TMEM71: variants seen among roughly 807,000 people sequenced by gnomAD.
TMEM71 encodes the protein transmembrane protein 71.
A neutral mutation model predicts 38.0 loss-of-function variants in TMEM71; 44 were observed. The ratio of observed to expected loss-of-function variants is 1.16; its 90% CI spans 0.91 to 1.49. The LOEUF is 1.49. Among genes scored for constraint, TMEM71 ranks in the 40% most tolerant of loss-of-function variants. The pLI is 0.00. For synonymous variants in TMEM71, 133 were observed against 122.5 expected, an observed-to-expected ratio of 1.09 and a Z score of -0.56; for missense variants, 367 against 348.6, an observed-to-expected ratio of 1.05 and a Z score of -0.42.
chr8:132,731,214 A>G (rs1827436112), intron 5 of TMEM71, among the ~76,000 whole-genome samples: 1 of 152,222 alleles, frequency 6.6e-6, no homozygotes. Flanking sequence ...GATGGAGAGA[A>G]TTGAAACTTC....
chr8:132,758,592 T>C, intron 2 of TMEM71: 1 of 489,688 alleles, frequency 2.0e-6, no homozygotes, highest in Non-Finnish European at 3.6e-6. Flanking sequence ...TCCTTTCACA[T>C]TTATGCACAG....
intron 7 of TMEM71, among the ~76,000 whole-genome samples, chr8:132,719,653 G>T (rs1461592268): frequency 1.3e-5 from 2 of 152,080 alleles, no homozygotes; most frequent in Admixed American, 6.5e-5. Flanking sequence ...TCTTGCCCAC[G>T]TCTATACAGT....
chr8:132,747,510 G>A (rs765507269), intron 4 of TMEM71, among the ~76,000 whole-genome samples: 16 of 152,202 alleles, frequency 1.1e-4, no homozygotes, highest in Non-Finnish European at 1.9e-4. Flanking sequence ...CTTAGGCACA[G>A]ATAGGTTAAG....
At chr8:132,762,295 A>G (rs1357627284), upstream of TMEM71, among the ~76,000 whole-genome samples, 1 of 152,088 alleles carries the variant, frequency 6.6e-6, no homozygotes, top group Non-Finnish European at 1.5e-5. Context: ...TCTTTACTGG[A>G]ATTCACAGTT....
Position 132,751,917 on chromosome 8 carries a change from C to T in TMEM71, c.182G>A (p.Cys61Tyr), listed in dbSNP as rs761543886. Residue 61 changes from cysteine (C) to tyrosine (Y), a missense_variant, in exon 4 of 10, where the codon TGT (cysteine) becomes TAT (tyrosine). Physicochemically the swap from Cys to Tyr is radical, Grantham distance 194. Coordinates refer to ENST00000677595, the MANE Select transcript of TMEM71 (RefSeq NM_001382403.1). ...GGTGAGGAGTCTGGGACTTCGGCGA[C>T]AGGTATAGTGGGAGCCTGTCAGGGG... ...IDPLTGSHYT[C>Y]RRSPRLLTNG... 1 of 1,614,054 alleles carries T rather than the reference C, an allele frequency of 6.2e-7. No individual in the cohort carries two copies. Among genetic ancestry groups the T allele is most frequent in the South Asian group, 1.1e-5 (1 of 91,080 alleles).
At chr8:132,769,995 T>A in the TMEM71 span, among the ~76,000 whole-genome samples, 1 of 152,246 alleles carries the variant, frequency 6.6e-6, no homozygotes, top group East Asian at 1.9e-4. Flanking sequence ...AGAGTAAAAG[T>A]ATTCACCATT....
rs372638954 is a variant in TMEM71, at chr8:132,727,787, C to A, written c.676+11G>T. The A allele has an allele frequency of 4.4e-6, 7 of 1,586,204 alleles. No homozygotes were observed. The highest frequency in any genetic ancestry group is 1.2e-5 in the South Asian group (1 of 86,386). On this transcript the variant is annotated intron_variant, in intron 6 of 9. Transcript: ENST00000677595. Reference sequence around the variant, plus strand: ...TTGGGTGTGGCAAATATTTAAAACACCTGAACTCACCTGAATGATCCGAAC... The same window carrying A: ...TTGGGTGTGGCAAATATTTAAAACAACTGAACTCACCTGAATGATCCGAAC...
At chr8:132,763,582 T>C (rs528252929), upstream of TMEM71, among the ~76,000 whole-genome samples, 17 of 152,334 alleles carry the variant, frequency 1.1e-4, no homozygotes, top group South Asian at 3.5e-3. Flanking sequence ...AGGTCTCTAA[T>C]AGAGGTCACT....
intron 1 of TMEM71, chr8:132,759,416 G>GTT (rs11449266): frequency 6.6e-6 from 1 of 152,216 alleles, no homozygotes; most frequent in Non-Finnish European, 1.5e-5. Flanking sequence ...CACAGAGAGT[G>GTT]ATTTTAATAG....
intron 3 of TMEM71, among the ~76,000 whole-genome samples, chr8:132,753,680 A>G (rs1219315843): frequency 6.6e-6 from 1 of 152,196 alleles, no homozygotes; most frequent in African/African-American, 2.4e-5. Flanking sequence ...CTCTAAGCCC[A>G]TAATTCCAAC....
At chr8:132,775,598 G>T in the TMEM71 span, 2 of 347,206 alleles carry the variant, frequency 5.8e-6, no homozygotes, top group African/African-American at 4.3e-5. Context: ...TCGTGCCCCA[G>T]CTCGGCCCCG....
intron 9 of TMEM71, among the ~76,000 whole-genome samples, chr8:132,713,289 C>T (rs953063155): frequency 4.0e-5 from 6 of 151,816 alleles, no homozygotes; most frequent in African/African-American, 1.5e-4. Context: ...AAGCATCACT[C>T]AAAATGTCAG....
intron 7 of TMEM71, among the ~76,000 whole-genome samples, chr8:132,720,931 G>A (rs1826807503): frequency 6.6e-6 from 1 of 152,182 alleles, no homozygotes; most frequent in Admixed American, 6.5e-5. Flanking sequence ...TTCTTCTAGG[G>A]AGAGGCAGAT....
chr8:132,760,885 G>A (rs1226981280), upstream of TMEM71, among the ~76,000 whole-genome samples: 1 of 152,188 alleles, frequency 6.6e-6, no homozygotes, highest in African/African-American at 2.4e-5. Flanking sequence ...GACATTTCTT[G>A]CTCATCATAT....
chr8:132,775,448 C>G, the TMEM71 span: 2 of 384,416 alleles, frequency 5.2e-6, no homozygotes, highest in Non-Finnish European at 9.1e-6. Flanking sequence ...CCTGAGCGAG[C>G]TTGAGGGCTC....
At chr8:132,751,657 T>C in intron 4 of TMEM71, 128 bp downstream of exon 4, 1 of 876,306 alleles carries the variant, frequency 1.1e-6, no homozygotes, top group East Asian at 2.6e-5. Context: ...CCTCTTACCC[T>C]TTGTATTTCC....
At chr8:132,715,645 C>T (rs907171561) in intron 7 of TMEM71, among the ~76,000 whole-genome samples, 2 of 152,050 alleles carry the variant, frequency 1.3e-5, no homozygotes, top group Non-Finnish European at 2.9e-5. Flanking sequence ...TTTGTAGAAG[C>T]TTTATTCAAA....
At chr8:132,739,604 T>G (rs1428937705) in intron 5 of TMEM71, among the ~76,000 whole-genome samples, 1 of 152,016 alleles carries the variant, frequency 6.6e-6, no homozygotes, top group Non-Finnish European at 1.5e-5. Context: ...AGCCACCGTG[T>G]CAGGCCCCAA....
chr8:132,731,269 A>G (rs542049159), intron 5 of TMEM71, among the ~76,000 whole-genome samples: 1 of 152,174 alleles, frequency 6.6e-6, no homozygotes, highest in Non-Finnish European at 1.5e-5. Flanking sequence ...TAGTTACGTG[A>G]CCAAATGTGA....
Sources: gnomAD v4.1 joint callset for allele counts (sites outside exome capture counted in the v4.1 genomes callset) on GRCh38, gnomAD v4.1.1 for gene constraint, MANE v1.5 for transcripts, NCBI Gene and HGNC (gene_info 2026-07-23, HGNC 2026-07-21) for gene names.